The following ANO10 variants were observed in gnomAD, a reference collection of about 807,000 sequenced individuals.
ANO10 encodes the protein anoctamin-10.
ANO10 carries 77 observed loss-of-function variants against 74.7 expected under a neutral mutation model. That is an observed-to-expected ratio of 1.03 (90% confidence interval 0.86 to 1.25). The LOEUF is 1.25. ANO10 is among the 50% of genes most tolerant of loss of function. The probability of loss-of-function intolerance (pLI) is 0.00; values close to 1 mark genes in which losing one functional copy is unlikely to be tolerated. For missense variants in ANO10, 721 were observed against 778.1 expected (o/e 0.93, Z 0.87); for synonymous variants, 279 against 284.9 (o/e 0.98, Z 0.21).
In ANO10 at chr3:43,480,263, G is replaced by C. The variant is rs147233927; in HGVS notation, c.1798-47536C>G. ...GTCCAGAAAATGCAACAGAGGGCCA[G>C]AAATAAAGATAGAACATGGAGAAAA... On this transcript the variant is annotated intron_variant, in intron 11 of 12. Transcript: ENST00000292246. Among the ~76,000 whole-genome samples the C allele has an allele frequency of 7.9e-5, 12 of 152,252 alleles. No individual in the cohort carries two copies. In the East Asian group the frequency reaches 2.1e-3, roughly 27 times the overall value.
intron 1 of ANO10, among the ~76,000 whole-genome samples, chr3:43,643,244 G>T (rs2083689423): frequency 6.6e-6 from 1 of 151,682 alleles, no homozygotes; most frequent in Non-Finnish European, 1.5e-5. Flanking sequence ...TGTTAGCCAG[G>T]GTGGTCTCGA....
chr3:43,632,729 C>T (rs1348383950), intron 1 of ANO10, among the ~76,000 whole-genome samples: 1 of 152,210 alleles, frequency 6.6e-6, no homozygotes, highest in Non-Finnish European at 1.5e-5. Context: ...CTATAATAGA[C>T]TTGACTGCCA....
At chr3:43,548,598 A>G (rs1053907592) in intron 11 of ANO10, among the ~76,000 whole-genome samples, 1 of 152,228 alleles carries the variant, frequency 6.6e-6, no homozygotes, top group South Asian at 2.1e-4. Context: ...GAAATGTGCA[A>G]GTTCATGATT....
chr3:43,377,312 C>T (rs1018276301), intron 12 of ANO10, among the ~76,000 whole-genome samples: 5 of 152,146 alleles, frequency 3.3e-5, no homozygotes, highest in Admixed American at 2.6e-4. Context: ...GTCTTGAACT[C>T]CTGGTTCAAG....
At chr3:43,663,594 C>G (rs2083952151) in intron 1 of ANO10, among the ~76,000 whole-genome samples, 1 of 152,176 alleles carries the variant, frequency 6.6e-6, no homozygotes, top group Non-Finnish European at 1.5e-5. Flanking sequence ...GAGTGGAATT[C>G]AAATTGTCTC....
intron 4 of ANO10, among the ~76,000 whole-genome samples, chr3:43,582,594 A>T (rs2081310899): frequency 1.3e-5 from 2 of 152,214 alleles, no homozygotes; most frequent in Non-Finnish European, 2.9e-5. Context: ...GATAATCAAG[A>T]GATATCTGGT....
intron 12 of ANO10, among the ~76,000 whole-genome samples, chr3:43,381,145 C>T (rs2091949657): frequency 6.6e-6 from 1 of 152,142 alleles, no homozygotes; most frequent in African/African-American, 2.4e-5. Flanking sequence ...ACTGGGCCCT[C>T]CCATGACACA....
chr3:43,379,337 G>T (rs1033662957), intron 12 of ANO10, among the ~76,000 whole-genome samples: 1 of 152,184 alleles, frequency 6.6e-6, no homozygotes, highest in Non-Finnish European at 1.5e-5. Flanking sequence ...ATGTGCTTTT[G>T]CAATTGGAGA....
At chr3:43,394,905 A>T (rs2092349094) in intron 12 of ANO10, among the ~76,000 whole-genome samples, 1 of 152,122 alleles carries the variant, frequency 6.6e-6, no homozygotes, top group African/African-American at 2.4e-5. Context: ...CAATTGCCTA[A>T]ATTTCCATAT....
chr3:43,382,382 G>A (rs1052633380), intron 12 of ANO10, among the ~76,000 whole-genome samples: 2 of 151,934 alleles, frequency 1.3e-5, no homozygotes, highest in African/African-American at 2.4e-5. Flanking sequence ...AGCCGGGCGT[G>A]GTAGCGGGCG....
intron 2 of ANO10, among the ~76,000 whole-genome samples, chr3:43,601,561 C>T (rs1029583876): frequency 4.3e-4 from 66 of 152,074 alleles, no homozygotes; most frequent in African/African-American, 1.5e-3. Context: ...ACAGGAATTA[C>T]GAAAATATTA....
At chr3:43,590,131 G>A (rs921105319) in intron 4 of ANO10, among the ~76,000 whole-genome samples, 13 of 152,104 alleles carry the variant, frequency 8.5e-5, no homozygotes, top group Non-Finnish European at 1.8e-4. Flanking sequence ...ATTGTAAGAT[G>A]CTTGGGAGAA....
At chr3:43,408,155 G>C (rs2092608289) in intron 12 of ANO10, among the ~76,000 whole-genome samples, 1 of 152,162 alleles carries the variant, frequency 6.6e-6, no homozygotes, top group Non-Finnish European at 1.5e-5. Context: ...AATACTGGTA[G>C]TCTAGATATC....
intron 12 of ANO10, among the ~76,000 whole-genome samples, chr3:43,419,304 C>G (rs2092786483): frequency 6.6e-6 from 1 of 152,182 alleles, no homozygotes; most frequent in South Asian, 2.1e-4. Flanking sequence ...GGAGAGGACT[C>G]CACAAGGGCA....
intron 11 of ANO10, among the ~76,000 whole-genome samples, chr3:43,497,187 T>C (rs543006231): frequency 6.6e-6 from 1 of 152,328 alleles, no homozygotes; most frequent in South Asian, 2.1e-4. Flanking sequence ...GTGTGAGTAA[T>C]TCCTACTTCC....
At chr3:43,658,637 T>A (rs569485577) in intron 1 of ANO10, among the ~76,000 whole-genome samples, 118 of 151,710 alleles carry the variant, frequency 7.8e-4, no homozygotes, top group Non-Finnish European at 1.4e-3. Flanking sequence ...CCCAGCTAAT[T>A]TTTTGTATTT....
chr3:43,398,759 G>T (rs2092427143), intron 12 of ANO10, among the ~76,000 whole-genome samples: 1 of 152,322 alleles, frequency 6.6e-6, no homozygotes, highest in African/African-American at 2.4e-5. Context: ...CTTTGAAATT[G>T]CATGTCCCTG....
chr3:43,390,906 G>A (rs2092258592), intron 12 of ANO10, among the ~76,000 whole-genome samples: 4 of 152,198 alleles, frequency 2.6e-5, no homozygotes, highest in Admixed American at 2.6e-4. Flanking sequence ...GGTCCCACTT[G>A]CAATTCTCAT....
chr3:43,566,593 C>A (rs1227918058), intron 7 of ANO10, among the ~76,000 whole-genome samples: 1 of 152,184 alleles, frequency 6.6e-6, no homozygotes, highest in African/African-American at 2.4e-5. Context: ...CCTCACACGG[C>A]AGGGTATTCC....
Sources: allele counts gnomAD v4.1 joint callset (sites outside exome capture counted in the v4.1 genomes callset), GRCh38; gene constraint gnomAD v4.1.1; transcripts MANE v1.5; gene names NCBI Gene and HGNC (gene_info 2026-07-23, HGNC 2026-07-21).